The following MORN5 variants were observed in gnomAD, a reference collection of about 807,000 sequenced individuals.
The protein encoded by MORN5 is MORN repeat containing 5.
In MORN5, 21 loss-of-function variants were observed where a neutral mutation model predicts 22.1. The ratio of observed to expected loss-of-function variants is 0.95; its 90% CI spans 0.67 to 1.37. The LOEUF is 1.37. MORN5 is among the 40% of genes most tolerant of loss of function. The probability of loss-of-function intolerance (pLI) is 0.00; values close to 1 mark genes in which losing one functional copy is unlikely to be tolerated. For missense variants in MORN5, 211 were observed against 215.1 expected, an observed-to-expected ratio of 0.98 and a Z score of 0.12; for synonymous variants, 73 against 74.0, an observed-to-expected ratio of 0.99 and a Z score of 0.07.
intron 2 of MORN5, among the ~76,000 whole-genome samples, chr9:122,167,908 C>T (rs979088955): frequency 8.5e-5 from 13 of 152,188 alleles, no homozygotes; most frequent in African/African-American, 1.9e-4. Context: ...CGCATCACTC[C>T]GACCTCTGCT....
chr9:122,181,120 T>C (rs1829532744), intron 4 of MORN5, among the ~76,000 whole-genome samples: 1 of 152,256 alleles, frequency 6.6e-6, no homozygotes, highest in African/African-American at 2.4e-5. Flanking sequence ...TTAACATCTG[T>C]CAGAGGTCTT....
intron 4 of MORN5, among the ~76,000 whole-genome samples, chr9:122,179,912 AGATGGG>A (rs1829511824): frequency 6.6e-6 from 1 of 152,226 alleles, no homozygotes; most frequent in Non-Finnish European, 1.5e-5. Flanking sequence ...TCTGGGCCTC[AGATGGG>A]TGACTGAGGC....
intron 4 of MORN5, among the ~76,000 whole-genome samples, chr9:122,176,929 A>G (rs1234541684): frequency 6.6e-6 from 1 of 152,240 alleles, no homozygotes; most frequent in Non-Finnish European, 1.5e-5. Context: ...ATTGATGGCT[A>G]CCAGGGAACT....
intron 4 of MORN5, among the ~76,000 whole-genome samples, chr9:122,181,633 A>C (rs35971070): frequency 0.071 from 10,770 of 152,202 alleles, 561 homozygotes; most frequent in Non-Finnish European, 0.11. Flanking sequence ...GAGAGGTGAG[A>C]GAGATGGCGT....
At chr9:122,172,645 G>T (rs1341102174) in intron 3 of MORN5, among the ~76,000 whole-genome samples, 1 of 152,138 alleles carries the variant, frequency 6.6e-6, no homozygotes, top group Non-Finnish European at 1.5e-5. Context: ...CAGCAGCCAT[G>T]ACCTCCTCCC....
chr9:122,167,608 A>G (rs888943189), intron 2 of MORN5, among the ~76,000 whole-genome samples: 2 of 152,074 alleles, frequency 1.3e-5, no homozygotes, highest in African/African-American at 4.8e-5. Flanking sequence ...ATGAGTTTGC[A>G]TCTGTTACAC....
Position 122,169,879 on chromosome 9 carries a change from A to G in MORN5, c.307+123A>G, listed in dbSNP as rs1348697920. 1.3e-5 allele frequency: 9 copies of G among 701,700 alleles called. No individual in the cohort carries two copies. The East Asian group carries it at 2.3e-4, about 18-fold the overall frequency. The allele number at this position is 701,700 out of a possible 1,614,324, so 43.5% of individuals were successfully genotyped here. A position where few individuals can be genotyped will look rare whatever the true frequency, so the allele number is the denominator to read the frequency against. On this transcript the variant is annotated intron_variant, in intron 3 of 4. Transcript: ENST00000373764. ...GGGAAGAGGAACTGAGCAGGCGTAG[A>G]AGAATGCAAAAGAGCCAGGTCCTGG... is the stretch of plus-strand genomic sequence containing the variant.
intron 4 of MORN5, among the ~76,000 whole-genome samples, chr9:122,179,055 A>G (rs1017693410): frequency 7.2e-5 from 11 of 152,214 alleles, no homozygotes; most frequent in African/African-American, 2.7e-4. Flanking sequence ...GGAAAAAGAA[A>G]GATCTACTCG....
chr9:122,192,166 C>T (rs569667383), intron 4 of MORN5, among the ~76,000 whole-genome samples: 5 of 152,356 alleles, frequency 3.3e-5, no homozygotes, highest in Admixed American at 1.3e-4. Flanking sequence ...CAGGCTTGTT[C>T]GGCTCCAGAA....
chr9:122,162,667 GAAC>G (rs1346972362), intron 1 of MORN5, among the ~76,000 whole-genome samples: 1 of 152,144 alleles, frequency 6.6e-6, no homozygotes, highest in Non-Finnish European at 1.5e-5. Flanking sequence ...TTGGTACACA[GAAC>G]AACATGAATG....
Position 122,178,263 on chromosome 9 carries a change from C to T in MORN5, c.439+3636C>T, listed in dbSNP as rs545544376. 3.0e-3 allele frequency among the ~76,000 whole-genome samples: 455 copies of T among 152,126 alleles called. 3 individuals are homozygous for T. The highest frequency in any genetic ancestry group is 0.01 in the African/African-American group (417 of 41,472). On this transcript the variant is annotated intron_variant, in intron 4 of 4. Transcript: ENST00000373764. The stretch of plus-strand genomic sequence containing the variant: ...TAGCACTTTAGGAGGCAAAGGCAGG[C>T]GGATCACCTGAGGTCAGGATTTCAA...
intron 3 of MORN5, 130 bp from the exon 4 acceptor site, chr9:122,174,366 T>C: frequency 2.0e-6 from 2 of 1,008,450 alleles, no homozygotes. Context: ...TTGCCCTGAG[T>C]AGGGGGTATT....
intron 1 of MORN5, among the ~76,000 whole-genome samples, chr9:122,166,504 G>A (rs1432135930): frequency 6.6e-6 from 1 of 152,030 alleles, no homozygotes; most frequent in Non-Finnish European, 1.5e-5. Flanking sequence ...CTACTAGGGG[G>A]GTTTATTTCA....
At chr9:122,199,757 A>C (rs774447861) in intron 4 of MORN5, 128 bp from the exon 5 acceptor site, 20 of 826,744 alleles carry the variant, frequency 2.4e-5, no homozygotes, top group Non-Finnish European at 4.0e-5. Flanking sequence ...GTTCCTCCCC[A>C]CACAAAACTA....
At chr9:122,169,497 C>T (rs2118747455) in intron 2 of MORN5, 148 bp from the exon 3 acceptor site, 1 of 624,008 alleles carries the variant, frequency 1.6e-6, no homozygotes, top group Non-Finnish European at 2.9e-6. Context: ...TACCCATTCC[C>T]TCTTGTCGTC....
chr9:122,172,454 T>C (rs1192102579), intron 3 of MORN5, among the ~76,000 whole-genome samples: 3 of 152,164 alleles, frequency 2.0e-5, no homozygotes, highest in Non-Finnish European at 2.9e-5. Context: ...ATACTTGCTT[T>C]CTTTCTGTTT....
intron 3 of MORN5, among the ~76,000 whole-genome samples, chr9:122,172,264 T>C (rs1399202645): frequency 1.3e-5 from 2 of 151,766 alleles, no homozygotes; most frequent in African/African-American, 4.8e-5. Context: ...CCCGGCCGCT[T>C]ACATCTTTTA....
At chr9:122,183,032 C>T (rs1251391275) in intron 4 of MORN5, among the ~76,000 whole-genome samples, 1 of 152,168 alleles carries the variant, frequency 6.6e-6, no homozygotes, top group Admixed American at 6.5e-5. Context: ...GTTCCCCCAC[C>T]AAGCACAGTT....
At chr9:122,169,302 G>A (rs1457370175) in intron 2 of MORN5, among the ~76,000 whole-genome samples, 1 of 152,160 alleles carries the variant, frequency 6.6e-6, no homozygotes, top group Non-Finnish European at 1.5e-5. Context: ...GCCAGGCACT[G>A]TGCTAAATGC....
Sources: gnomAD v4.1 joint callset for allele counts (sites outside exome capture counted in the v4.1 genomes callset) on GRCh38, gnomAD v4.1.1 for gene constraint, MANE v1.5 for transcripts, NCBI Gene and HGNC (gene_info 2026-07-23, HGNC 2026-07-21) for gene names.